GPR132: variants seen among roughly 807,000 people sequenced by gnomAD.
GPR132 encodes G protein-coupled receptor 132.
GPR132 carries 4 observed loss-of-function variants against 1.9 expected under a neutral mutation model. That is an observed-to-expected ratio of 2.13 (90% CI 1.05 to 4.87). The LOEUF (loss-of-function observed/expected upper bound fraction) is 4.87. Ranked by LOEUF, GPR132 falls within the 30% of genes most tolerant of loss-of-function variation. The probability of loss-of-function intolerance (pLI) is 0.01; values close to 1 mark genes in which losing one functional copy is unlikely to be tolerated. For synonymous variants in GPR132, 233 were observed against 234.2 expected, an observed-to-expected ratio of 0.99 and a Z score of 0.05; for missense variants, 404 against 512.5, an observed-to-expected ratio of 0.79 and a Z score of 2.04.
At position 105,056,814 on chromosome 14, in the gene GPR132, C is replaced by T. The variant is rs1316390326; in HGVS notation, c.-747+353G>A. 6.6e-6 allele frequency among the ~76,000 whole-genome samples: 1 copy of T among 152,232 alleles called. No individual in the cohort carries two copies. Among genetic ancestry groups the T allele is most frequent in the African/African-American group, 2.4e-5 (1 of 41,470 alleles). The stretch of plus-strand genomic sequence containing the variant: ...GGGTCAGAAGTAGGGGCAACGGCAC[C>T]AGGAGACGCATGGATGCGGGGGGCT... On this transcript the variant is annotated intron_variant, in intron 2 of 3. Coordinates refer to ENST00000329797, the MANE Select transcript of GPR132 (RefSeq NM_013345.4). The surrounding 1 kb of genome is among the most constrained non-coding windows in gnomAD (Gnocchi z 6.0).
At chr14:105,053,967 C>A in intron 3 of GPR132, 1 of 1,223,316 alleles carries the variant, frequency 8.2e-7, no homozygotes. Flanking sequence ...GAAACTCATC[C>A]TTTCCAGCCA....
In GPR132 at chr14:105,056,113, T is replaced by C; in HGVS notation, c.-693A>G. On this transcript the variant is annotated 5_prime_UTR_variant, in exon 3 of 4. Transcript: ENST00000329797. This position sits in a 1 kb window ranked among gnomAD's most constrained non-coding sequence, Gnocchi z 6.0. ...GGCTCCGGTCTCCCCACAGCCTCGCTGCGCTTGCTGGGTTTCTCCGGGTGA... is the reference window on the plus strand; with the variant it reads ...GGCTCCGGTCTCCCCACAGCCTCGCCGCGCTTGCTGGGTTTCTCCGGGTGA... The C allele has an allele frequency of 2.0e-6, 2 of 985,252 alleles. No homozygotes were observed. The highest frequency in any genetic ancestry group is 2.4e-6 in the Non-Finnish European group (2 of 829,664). The allele number at this position is 985,252 out of a possible 1,614,324, so 61.0% of individuals were successfully genotyped here.
At chr14:105,054,414 G>C in intron 3 of GPR132, 1 of 977,776 alleles carries the variant, frequency 1.0e-6, no homozygotes, top group Non-Finnish European at 1.2e-6. Context: ...CCATTGTGTC[G>C]CTCTTTTTTT....
At chr14:105,065,000 A>G (rs1566738442) in intron 1 of GPR132, among the ~76,000 whole-genome samples, 1 of 151,636 alleles carries the variant, frequency 6.6e-6, no homozygotes, top group Non-Finnish European at 1.5e-5. Context: ...CCCCCGACCA[A>G]TCACGGAAGC....
chr14:105,053,310 G>A (rs145600795), intron 3 of GPR132, among the ~76,000 whole-genome samples: 2,639 of 151,954 alleles, frequency 0.017, 27 homozygotes, highest in Non-Finnish European at 0.029. Flanking sequence ...ACAGGCATGC[G>A]TCACCACACC....
At position 105,054,394 on chromosome 14, in the gene GPR132, C is replaced by G. The variant is rs2140929591; in HGVS notation, c.34+993G>C. On this transcript the variant is annotated intron_variant, in intron 3 of 3. Transcript: ENST00000329797. Reference sequence around the variant, plus strand: ...GGCAAGTCACCCCGAACGGGGTCAGCCCTGCGGCCCCATTGTGTCGCTCTT... The same window carrying G: ...GGCAAGTCACCCCGAACGGGGTCAGGCCTGCGGCCCCATTGTGTCGCTCTT... 5 of 985,048 alleles carry G rather than the reference C, an allele frequency of 5.1e-6. No individual in the cohort carries two copies. In the South Asian group the frequency reaches 2.3e-4, roughly 46 times the overall value. 61.0% of individuals were successfully genotyped at this position (985,048 alleles called of 1,614,324 possible).
At chr14:105,053,754 T>C (rs991232003) in intron 3 of GPR132, among the ~76,000 whole-genome samples, 2 of 152,014 alleles carry the variant, frequency 1.3e-5, no homozygotes, top group Admixed American at 1.3e-4. Flanking sequence ...CATGTAGATA[T>C]GGCAGGTTAC....
intron 3 of GPR132, among the ~76,000 whole-genome samples, chr14:105,052,347 A>G (rs1886673756): frequency 6.6e-6 from 1 of 151,952 alleles, no homozygotes; most frequent in Non-Finnish European, 1.5e-5. Context: ...TTTTTTTTGA[A>G]ATGGAGTTTT....
At position 105,049,780 on chromosome 14, in the gene GPR132, TAAA is replaced by T. The variant is rs935544204; in HGVS notation, c.*1211_*1213del. ...AGGCAACAGAGCAAGGCCCTGTCTC[TAAA>T]AAAATAAATATTAAAAACAAAAACA... On this transcript the variant is annotated 3_prime_UTR_variant, in exon 4 of 4. Coordinates refer to ENST00000329797, the MANE Select transcript of GPR132 (RefSeq NM_013345.4). The T allele has an allele frequency of 6.6e-6, 1 of 152,134 alleles. No individual in the cohort carries two copies. The highest frequency in any genetic ancestry group is 6.6e-5 in the Admixed American group (1 of 15,256). The allele number at this position is 152,134 out of a possible 1,614,324, so 9.4% of individuals were successfully genotyped here.
chr14:105,059,265 G>A lies in GPR132; in HGVS notation c.-860-1985C>T, dbSNP rs916144329. Among the ~76,000 whole-genome samples the A allele has an allele frequency of 3.9e-5, 6 of 152,202 alleles. No individual in the cohort carries two copies. Among genetic ancestry groups the A allele is most frequent in the African/African-American group, 1.2e-4 (5 of 41,454 alleles). On this transcript the variant is annotated intron_variant, in intron 1 of 3. Transcript: ENST00000329797. This position sits in a 1 kb window ranked among gnomAD's most constrained non-coding sequence, Gnocchi z 4.2. ...CACTTGCTCTTCCCGCCCATCCCACGTGGCTCTTGCAGGAATTCTCTGGAA... is the reference window on the plus strand; with the variant it reads ...CACTTGCTCTTCCCGCCCATCCCACATGGCTCTTGCAGGAATTCTCTGGAA...
intron 1 of GPR132, among the ~76,000 whole-genome samples, chr14:105,063,167 G>A (rs750394182): frequency 4.0e-5 from 6 of 151,872 alleles, no homozygotes; most frequent in Admixed American, 2.0e-4. Flanking sequence ...GAAATCCGCC[G>A]GCCTCGGTCT....
In GPR132 at chr14:105,056,143, C is replaced by G; in HGVS notation, c.-723G>C. ...TTGCTGGGTTTCTCCGGGTGAGTGT[C>G]GTGTCCCTTGCTCACCTTCCTCCCT... is the stretch of plus-strand genomic sequence containing the variant. On this transcript the variant is annotated 5_prime_UTR_variant, in exon 3 of 4. Coordinates refer to ENST00000329797, the MANE Select transcript of GPR132 (RefSeq NM_013345.4). This position sits in a 1 kb window ranked among gnomAD's most constrained non-coding sequence, Gnocchi z 6.0. The G allele has an allele frequency of 2.0e-6, 2 of 986,058 alleles. No individual in the cohort carries two copies. Among genetic ancestry groups the G allele is most frequent in the Non-Finnish European group, 2.4e-6 (2 of 830,242 alleles). 61.1% of individuals were successfully genotyped at this position (986,058 alleles called of 1,614,324 possible).
chr14:105,057,052 T>A, intron 2 of GPR132, 115 bp downstream of exon 2: 1 of 746,474 alleles, frequency 1.3e-6, no homozygotes, highest in Non-Finnish European at 2.3e-6. Context: ...AGCTAGTTTT[T>A]ATCTCGATAA....
chr14:105,058,577 T>G (rs1886860682), intron 1 of GPR132, among the ~76,000 whole-genome samples: 1 of 152,220 alleles, frequency 6.6e-6, no homozygotes, highest in Non-Finnish European at 1.5e-5. Flanking sequence ...CGCAGCAAAA[T>G]TTTGCAATAT....
At chr14:105,052,242 T>C in intron 3 of GPR132, 140 bp from the exon 4 acceptor site, 1 of 624,274 alleles carries the variant, frequency 1.6e-6, no homozygotes, top group Non-Finnish European at 2.6e-6. Context: ...CCAAATTGAT[T>C]TTTTAGAGCA....
rs764767755 is a variant in GPR132, at chr14:105,052,047, G to A, written c.90C>T (p.Ala30=). 7 of 1,604,772 alleles carry A rather than the reference G, an allele frequency of 4.4e-6. No homozygotes were observed. In the Admixed American group the frequency reaches 1.0e-4, roughly 23 times the overall value. Residue 30 remains alanine (A), a synonymous_variant, in exon 4 of 4, where the codon GCC becomes GCT. Coordinates refer to ENST00000329797, the MANE Select transcript of GPR132 (RefSeq NM_013345.4). ...CGAAGGACACGTTGTTGCAGGTCTT[G>A]GCGGAGAGGCCCAGGGAGGCCCACG... ...TAPWASLGLS[A]KTCNNVSFEE... is the part of the protein sequence containing the mutation.
rs781766535 is a variant in GPR132, at chr14:105,055,444, C to A, written c.-24G>T. The A allele has an allele frequency of 3.1e-5, 24 of 780,198 alleles. No homozygotes were observed. The South Asian group carries it at 3.1e-4, about 10-fold the overall frequency. 48.3% of individuals were successfully genotyped at this position (780,198 alleles called of 1,614,324 possible). The stretch of plus-strand genomic sequence containing the variant: ...ATTCACATTCTTCTGCAACCATCGC[C>A]AGCATCCGTCGGCAGAACCTTCTCA... On this transcript the variant is annotated 5_prime_UTR_variant, in exon 3 of 4. Coordinates refer to ENST00000329797, the MANE Select transcript of GPR132 (RefSeq NM_013345.4). The surrounding 1 kb of genome is among the most constrained non-coding windows in gnomAD (Gnocchi z 4.7).
chr14:105,052,034 T>C lies in GPR132; in HGVS notation c.103A>G (p.Asn35Asp). ...ATCCTGCTCTCTTCGAAGGACACGT[T>C]GTTGCAGGTCTTGGCGGAGAGGCCC... Reference protein sequence around the residue: ...SLGLSAKTCNNVSFEESRIVL... With the variant: ...SLGLSAKTCNDVSFEESRIVL... Residue 35 changes from asparagine (N) to aspartate (D), a missense_variant, in exon 4 of 4, where the codon AAC (asparagine) becomes GAC (aspartate). Transcript: ENST00000329797. 6.2e-7 allele frequency: 1 copy of C among 1,608,418 alleles called. No homozygotes were observed. The highest frequency in any genetic ancestry group is 8.5e-7 in the Non-Finnish European group (1 of 1,179,098).
Position 105,056,026 on chromosome 14 carries a change from G to T in GPR132, c.-606C>A. 2 of 430,814 alleles carry T rather than the reference G, an allele frequency of 4.6e-6. No individual in the cohort carries two copies. Among genetic ancestry groups the T allele is most frequent in the Non-Finnish European group, 6.2e-6 (2 of 322,596 alleles). The allele number at this position is 430,814 out of a possible 1,614,324, so 26.7% of individuals were successfully genotyped here. Reference sequence around the variant, plus strand: ...ACGGCAGTTCCGTCTCATCTCGTGGGGTGCCTCCGCGCTGTTCTCCACGGT... The same window carrying T: ...ACGGCAGTTCCGTCTCATCTCGTGGTGTGCCTCCGCGCTGTTCTCCACGGT... On this transcript the variant is annotated 5_prime_UTR_variant, in exon 3 of 4. Transcript: ENST00000329797. This position sits in a 1 kb window ranked among gnomAD's most constrained non-coding sequence, Gnocchi z 6.0.
Sources: allele counts gnomAD v4.1 joint callset (sites outside exome capture counted in the v4.1 genomes callset), GRCh38; gene constraint gnomAD v4.1.1; non-coding constraint Gnocchi (gnomAD v3.1); transcripts MANE v1.5; gene names NCBI Gene and HGNC (gene_info 2026-07-23, HGNC 2026-07-21).